Variants in AFF2 observed in about 807,000 individuals in gnomAD.
The protein encoded by AFF2 is ALF transcription elongation factor 2.
Under a neutral mutation model 76.9 loss-of-function variants are expected in AFF2, and 14 were observed. That is an observed-to-expected ratio of 0.18 (90% CI 0.12 to 0.28). The LOEUF (loss-of-function observed/expected upper bound fraction) is 0.28, where lower values mean the gene tolerates loss of function less well. AFF2 is among the 10% of genes least tolerant of loss of function. AFF2 has a pLI of 1.00. For synonymous variants in AFF2, 398 were observed against 366.7 expected (o/e 1.09, Z -0.98); for missense variants, 868 against 1,001.1 (o/e 0.87, Z 1.79).
intron 1 of AFF2, among the ~76,000 whole-genome samples, chrX:148,650,890 T>C (rs1179976032): frequency 8.9e-6 from 1 of 112,340 alleles, no homozygotes; most frequent in Admixed American, 9.4e-5. Context: ...CATTTGCATG[T>C]CAATTATCTA....
At chrX:148,978,050 A>C in intron 17 of AFF2, 46 bp downstream of exon 17, 1 of 985,513 alleles carries the variant, frequency 1.0e-6, no homozygotes, top group Non-Finnish European at 1.4e-6. Context: ...ATGTCATGGA[A>C]GGATTTGAAA....
rs782570741 is a variant in AFF2 at position 148,998,858 on chromosome X, C to A, written c.*7526C>A. On this transcript the variant is annotated 3_prime_UTR_variant, in exon 21 of 21. Transcript: ENST00000370460. Reference sequence around the variant, plus strand: ...TGATTGCAATGGTCTCTCTCTCTCTCCCCCTCTCTCTCTCTCTCCTCTATT... The same window carrying A: ...TGATTGCAATGGTCTCTCTCTCTCTACCCCTCTCTCTCTCTCTCCTCTATT... 9 of 108,703 alleles carry A rather than the reference C, an allele frequency of 8.3e-5. No homozygotes were observed. The highest frequency in any genetic ancestry group is 1.3e-4 in the African/African-American group (4 of 29,765). The allele number at this position is 108,703 out of a possible 1,213,427, so 9.0% of individuals were successfully genotyped here.
intron 12 of AFF2, among the ~76,000 whole-genome samples, chrX:148,959,525 C>A (rs561351849): frequency 2.7e-5 from 3 of 112,056 alleles, no homozygotes; most frequent in African/African-American, 9.7e-5. Flanking sequence ...TTGTCTGGAT[C>A]TTTGTTGTTT....
chrX:148,613,497 A>G (rs1474304377), intron 1 of AFF2, among the ~76,000 whole-genome samples: 6 of 111,887 alleles, frequency 5.4e-5, no homozygotes, highest in Non-Finnish European at 1.1e-4. Flanking sequence ...CCCAGGATAC[A>G]GTGGGAATGG....
intron 1 of AFF2, among the ~76,000 whole-genome samples, chrX:148,508,158 G>A (rs2052443545): frequency 8.9e-6 from 1 of 111,913 alleles, no homozygotes; most frequent in African/African-American, 3.3e-5. Flanking sequence ...AGAAATAAAA[G>A]ACATTACTTC....
chrX:148,933,057 G>A (rs782139306), intron 9 of AFF2, among the ~76,000 whole-genome samples: 2 of 112,298 alleles, frequency 1.8e-5, no homozygotes, highest in South Asian at 7.4e-4. Context: ...ATGAGTTAGA[G>A]CTGTAGTTTT....
rs782239368 is a variant in AFF2 at position 148,977,797 on chromosome X, C to T, written c.3405-136C>T. On this transcript the variant is annotated intron_variant, in intron 16 of 20. Transcript: ENST00000370460. Reference sequence around the variant, plus strand: ...ATGTTTTCGGGGAAGCATGCTTTTGCCCACATGTACCAGTCAGTCCTCTTG... The same window carrying T: ...ATGTTTTCGGGGAAGCATGCTTTTGTCCACATGTACCAGTCAGTCCTCTTG... 49 of 482,540 alleles carry T rather than the reference C, an allele frequency of 1.0e-4. No homozygotes were observed. In the East Asian group the frequency reaches 1.6e-3, roughly 16 times the overall value. 39.8% of individuals were successfully genotyped at this position (482,540 alleles called of 1,213,427 possible).
chrX:148,762,420 T>TATATATATATATATATATATATATAC (rs1225408056), intron 3 of AFF2, among the ~76,000 whole-genome samples: 1,594 of 100,976 alleles, frequency 0.016, 80 homozygotes, highest in African/African-American at 0.06. Flanking sequence ...TATATATATA[T>TATATATATATATATATATATATATAC]ACACATGCAC....
At chrX:148,644,284 TGTGA>T (rs1316361907) in intron 1 of AFF2, among the ~76,000 whole-genome samples, 3 of 111,808 alleles carry the variant, frequency 2.7e-5, no homozygotes, top group Non-Finnish European at 5.6e-5. Context: ...CCTTCTCTTC[TGTGA>T]GTAAGACTAG....
At chrX:148,686,275 A>G (rs1171899063) in intron 3 of AFF2, among the ~76,000 whole-genome samples, 1 of 111,744 alleles carries the variant, frequency 8.9e-6, no homozygotes, top group African/African-American at 3.3e-5. Context: ...GAAACCATTG[A>G]TCTTATTTTA....
At chrX:148,828,021 CTG>C (rs1301871504) in intron 4 of AFF2, among the ~76,000 whole-genome samples, 1 of 48,016 alleles carries the variant, frequency 2.1e-5, no homozygotes, top group Admixed American at 3.4e-4. Flanking sequence ...TTTGAAGTGA[CTG>C]TGAAAGGAAA....
chrX:148,772,548 T>C (rs1360679998), intron 3 of AFF2, among the ~76,000 whole-genome samples: 1 of 105,575 alleles, frequency 9.5e-6, no homozygotes, highest in Non-Finnish European at 1.9e-5. Context: ...CTTTCTTTTT[T>C]TTTTTTTTTG....
chrX:148,953,552 G>A (rs781884523), intron 9 of AFF2, 28 bp from the exon 10 acceptor site: 1 of 1,190,097 alleles, frequency 8.4e-7, no homozygotes, highest in Non-Finnish European at 1.1e-6. Flanking sequence ...AGTAAATGAG[G>A]CAATGAATTA....
rs782573810 is a variant in AFF2, at chrX:148,776,994, A to G, written c.1042-32882A>G. Among the ~76,000 whole-genome samples the G allele has an allele frequency of 5.4e-5, 6 of 112,091 alleles. No individual in the cohort carries two copies. The East Asian group carries it at 1.7e-3, about 31-fold the overall frequency. ...TAGGGTTTTTACGGTTTTAGTTCTT[A>G]TATTTCAATCTTTAATCCATCTTGA... On this transcript the variant is annotated intron_variant, in intron 3 of 20. Transcript: ENST00000370460.
At chrX:148,927,630 G>A (rs113809304) in intron 9 of AFF2, among the ~76,000 whole-genome samples, 3,892 of 111,322 alleles carry the variant, frequency 0.035, 172 homozygotes, top group African/African-American at 0.12. Context: ...TCTTGTGCTC[G>A]ATTATTATTT....
chrX:148,562,958 G>A (rs1374504039), intron 1 of AFF2, among the ~76,000 whole-genome samples: 1 of 111,990 alleles, frequency 8.9e-6, no homozygotes, highest in Non-Finnish European at 1.9e-5. Context: ...AGTAAAACAG[G>A]TTCCTGTAAT....
At chrX:148,516,267 A>C (rs2052533178) in intron 1 of AFF2, among the ~76,000 whole-genome samples, 1 of 112,049 alleles carries the variant, frequency 8.9e-6, no homozygotes, top group South Asian at 3.7e-4. Flanking sequence ...TTTTTAGGTT[A>C]CATAGAGCAG....
chrX:148,971,747 C>CTTTTTTTTTTTTTTTTTTAT (rs2072257160), intron 15 of AFF2, among the ~76,000 whole-genome samples: 46 of 44,718 alleles, frequency 1.0e-3, no homozygotes, highest in South Asian at 3.8e-3. Flanking sequence ...TTTTCTATTT[C>CTTTTTTTTTTTTTTTTTTAT]TTTTTTTTTT....
chrX:148,655,737 T>C (rs2054245273), intron 2 of AFF2, among the ~76,000 whole-genome samples: 3 of 110,907 alleles, frequency 2.7e-5, no homozygotes, highest in African/African-American at 9.9e-5. Flanking sequence ...AGTAACAGAG[T>C]ACTAGAACTG....
Sources: gnomAD v4.1 joint callset for allele counts (sites outside exome capture counted in the v4.1 genomes callset) on GRCh38, gnomAD v4.1.1 for gene constraint, MANE v1.5 for transcripts, NCBI Gene and HGNC (gene_info 2026-07-23, HGNC 2026-07-21) for gene names.